The following TMEM260 variants were observed in gnomAD, a reference collection of about 807,000 sequenced individuals.
The protein encoded by TMEM260 is protein O-mannosyl-transferase TMEM260.
Under a neutral mutation model 88.9 loss-of-function variants are expected in TMEM260, and 82 were observed. That is an observed-to-expected ratio of 0.92 (90% CI 0.77 to 1.11). TMEM260 has a LOEUF of 1.11. Ranked by LOEUF, TMEM260 falls within the 50% of genes least tolerant of loss-of-function variation. The pLI is 0.00. For synonymous variants in TMEM260, 314 were observed against 309.3 expected (o/e 1.02, Z -0.16); for missense variants, 902 against 853.4 (o/e 1.06, Z -0.71).
chr14:56,620,400 A>C (rs10139575), intron 10 of TMEM260, among the ~76,000 whole-genome samples: 1 of 152,118 alleles, frequency 6.6e-6, no homozygotes, highest in Non-Finnish European at 1.5e-5. Context: ...TCCTGGACAC[A>C]ACATCATCGC....
chr14:56,645,842 G>T (rs1889931015), intron 15 of TMEM260, among the ~76,000 whole-genome samples: 1 of 152,116 alleles, frequency 6.6e-6, no homozygotes, highest in Admixed American at 6.6e-5. Flanking sequence ...AAAGGATGAT[G>T]ACAAAAAGGG....
At chr14:56,618,530 T>G in intron 9 of TMEM260, 64 bp from the exon 10 acceptor site, 2 of 1,472,388 alleles carry the variant, frequency 1.4e-6, no homozygotes, top group Non-Finnish European at 1.9e-6. Flanking sequence ...AAAAAATATA[T>G]GAGGAGCTGA....
At chr14:56,584,069 G>C (rs1451026745) in intron 1 of TMEM260, among the ~76,000 whole-genome samples, 1 of 151,696 alleles carries the variant, frequency 6.6e-6, no homozygotes, top group Admixed American at 6.6e-5. Flanking sequence ...TTGATTATAA[G>C]TGATTTCAGT....
intron 9 of TMEM260, 86 bp downstream of exon 9, chr14:56,617,383 A>T (rs1174876770): frequency 1.3e-6 from 1 of 770,952 alleles, no homozygotes; most frequent in East Asian, 2.9e-5. Context: ...TAGAAGGGCA[A>T]ATTACTTGAG....
chr14:56,618,112 G>C (rs1887697416), intron 9 of TMEM260, among the ~76,000 whole-genome samples: 1 of 152,028 alleles, frequency 6.6e-6, no homozygotes, highest in African/African-American at 2.4e-5. Context: ...GCTTCCTGTG[G>C]GTAGCTCACT....
chr14:56,661,534 A>AGGAGGGAGGGAGGGAGGGAG, the TMEM260 span, among the ~76,000 whole-genome samples: 4 of 107,820 alleles, frequency 3.7e-5, no homozygotes, highest in African/African-American at 1.4e-4. Flanking sequence ...GAAGGAGGAA[A>AGGAGGGAGGGAGGGAGGGAG]GGAGGGAGGG....
At chr14:56,634,873 A>C (rs746083977) in intron 13 of TMEM260, 26 bp from the exon 14 acceptor site, 4 of 1,592,394 alleles carry the variant, frequency 2.5e-6, no homozygotes, top group Admixed American at 1.7e-5. Context: ...TGACAGAAAG[A>C]TATTACTGTT....
At chr14:56,644,257 T>C (rs1049619021) in intron 15 of TMEM260, among the ~76,000 whole-genome samples, 2 of 152,154 alleles carry the variant, frequency 1.3e-5, no homozygotes, top group African/African-American at 4.8e-5. Flanking sequence ...CTTCAAACTA[T>C]ACTACAAGGC....
chr14:56,579,564 A>C, upstream of TMEM260: 1 of 215,638 alleles, frequency 4.6e-6, no homozygotes, highest in Non-Finnish European at 9.1e-6. Flanking sequence ...AGACCCAACC[A>C]AGTCAGTATA....
At chr14:56,633,987 A>G (rs578239339) in intron 13 of TMEM260, among the ~76,000 whole-genome samples, 1 of 152,380 alleles carries the variant, frequency 6.6e-6, no homozygotes, top group East Asian at 1.9e-4. Context: ...GTTGTATAAC[A>G]GCCAGAGATG....
At chr14:56,611,758 A>G (rs556603949) in intron 6 of TMEM260, among the ~76,000 whole-genome samples, 30 of 152,316 alleles carry the variant, frequency 2.0e-4, no homozygotes, top group Admixed American at 8.5e-4. Flanking sequence ...TCACAACACT[A>G]TTCACAATAG....
rs765971709 is a variant in TMEM260 at position 56,648,981 on chromosome 14, C to T, written c.*1484C>T. 6.6e-6 allele frequency: 1 copy of T among 152,642 alleles called. No homozygotes were observed. Among genetic ancestry groups the T allele is most frequent in the Non-Finnish European group, 1.5e-5 (1 of 68,080 alleles). The allele number at this position is 152,642 out of a possible 1,614,324, so 9.5% of individuals were successfully genotyped here. On this transcript the variant is annotated 3_prime_UTR_variant, in exon 16 of 16. Coordinates refer to ENST00000261556, the MANE Select transcript of TMEM260 (RefSeq NM_017799.4). The stretch of plus-strand genomic sequence containing the variant: ...AAAGCTGAAGTTTCATTACCTGATC[C>T]ATGGGGCTTTGTTGGTTTTGGCATC...
intron 14 of TMEM260, 117 bp from the exon 15 acceptor site, chr14:56,636,391 A>T (rs570107536): frequency 1.6e-5 from 12 of 761,646 alleles, no homozygotes; most frequent in South Asian, 1.4e-4. Context: ...AATTGAAAAT[A>T]ATACAATAAA....
rs183521246 is a variant in TMEM260, at chr14:56,648,862, A to C, written c.*1365A>C. The C allele has an allele frequency of 1.3e-5, 2 of 152,776 alleles. No individual in the cohort carries two copies. Among genetic ancestry groups the C allele is most frequent in the Admixed American group, 1.3e-4 (2 of 15,298 alleles). 9.5% of individuals were successfully genotyped at this position (152,776 alleles called of 1,614,324 possible). A position where few individuals can be genotyped will look rare whatever the true frequency, so the allele number is the denominator to read the frequency against. On this transcript the variant is annotated 3_prime_UTR_variant, in exon 16 of 16. Transcript: ENST00000261556. ...CCAGTCATGAAGGTGCTTCAAGACA[A>C]GGGTGCCTCTAAAAGCTTGACAGGG...
At chr14:56,636,456 A>AT in intron 14 of TMEM260, 52 bp from the exon 15 acceptor site, 1 of 1,425,104 alleles carries the variant, frequency 7.0e-7, no homozygotes, top group Non-Finnish European at 9.9e-7. Context: ...GCTAGCCCTG[A>AT]ATGTGCAATT....
In TMEM260 at chr14:56,610,967, C is replaced by CTT. The variant is rs61185871; in HGVS notation, c.817-1262_817-1261dup. Among the ~76,000 whole-genome samples, 46 of 117,996 alleles carry CTT rather than the reference C, an allele frequency of 3.9e-4. No individual in the cohort carries two copies. In the East Asian group the frequency reaches 5.6e-3, roughly 14 times the overall value. 77.4% of individuals were successfully genotyped at this position (117,996 alleles called of 152,430 possible). On this transcript the variant is annotated intron_variant, in intron 6 of 15. Coordinates refer to ENST00000261556, the MANE Select transcript of TMEM260 (RefSeq NM_017799.4). ...TATTCTTTTCTTTCTTTCTTTCTTT[C>CTT]TTTTTTTTTTTTTTTTTGAGACAGA...
At chr14:56,596,794 A>AAAAATATATATAT (rs59623466) in intron 3 of TMEM260, among the ~76,000 whole-genome samples, 30 of 136,296 alleles carry the variant, frequency 2.2e-4, no homozygotes, top group African/African-American at 8.4e-4. Flanking sequence ...TAAAAAAAAA[A>AAAAATATATATAT]ATATATATAT....
intron 3 of TMEM260, among the ~76,000 whole-genome samples, chr14:56,586,154 C>T (rs1298532359): frequency 6.6e-6 from 1 of 152,040 alleles, no homozygotes; most frequent in Non-Finnish European, 1.5e-5. Context: ...TCTGATTAGG[C>T]AGAACTAATG....
intron 3 of TMEM260, among the ~76,000 whole-genome samples, chr14:56,596,589 C>A (rs1026574104): frequency 4.0e-5 from 6 of 149,966 alleles, no homozygotes; most frequent in Non-Finnish European, 8.9e-5. Flanking sequence ...CATGGAGAAA[C>A]CCCGTCTCTA....
Sources: gnomAD v4.1 joint callset for allele counts (sites outside exome capture counted in the v4.1 genomes callset) on GRCh38, gnomAD v4.1.1 for gene constraint, MANE v1.5 for transcripts, NCBI Gene and HGNC (gene_info 2026-07-23, HGNC 2026-07-21) for gene names.